The following GPR158 variants were observed in gnomAD, a reference collection of about 807,000 sequenced individuals.
GPR158 encodes the protein G protein-coupled receptor 158.
GPR158 carries 30 observed loss-of-function variants against 78.2 expected under a neutral mutation model. That is an observed-to-expected ratio of 0.38 (90% confidence interval 0.29 to 0.52). The LOEUF is 0.52. Among genes scored for constraint, GPR158 ranks in the 20% least tolerant of loss-of-function variants. The pLI is 0.83. For synonymous variants in GPR158, 581 were observed against 591.1 expected, an observed-to-expected ratio of 0.98 and a Z score of 0.25; for missense variants, 1,463 against 1,523.5, an observed-to-expected ratio of 0.96 and a Z score of 0.66.
chr10:25,597,740 A>G (rs367639490), intron 10 of GPR158, 32 bp from the exon 11 acceptor site: 115 of 1,479,688 alleles, frequency 7.8e-5, no homozygotes, highest in Non-Finnish European at 9.4e-5. Flanking sequence ...ACTAAATTCT[A>G]CACTTCTTTG....
chr10:25,337,569 GCTA>G (rs1354284497), intron 2 of GPR158, among the ~76,000 whole-genome samples: 1 of 151,796 alleles, frequency 6.6e-6, no homozygotes, highest in Non-Finnish European at 1.5e-5. Context: ...TAGATTTTTG[GCTA>G]CTATAAATGA....
rs1837372455 is a variant in GPR158 at position 25,594,089 on chromosome 10, T to C, written c.1893-203T>C. 13 of 408,112 alleles carry C rather than the reference T, an allele frequency of 3.2e-5. No homozygotes were observed. The South Asian group carries it at 5.2e-4, about 16-fold the overall frequency. The allele number at this position is 408,112 out of a possible 1,614,324, so 25.3% of individuals were successfully genotyped here. ...CTTTCTTACTATTGTTAATCTAAAATCATAATAAAGGGTTCATATATTATG... is the reference window on the plus strand; with the variant it reads ...CTTTCTTACTATTGTTAATCTAAAACCATAATAAAGGGTTCATATATTATG... On this transcript the variant is annotated intron_variant, in intron 8 of 10. Coordinates refer to ENST00000376351, the MANE Select transcript of GPR158 (RefSeq NM_020752.3).
Position 25,570,361 on chromosome 10 carries a change from C to G in GPR158, c.1515-2288C>G, listed in dbSNP as rs72788299. Among the ~76,000 whole-genome samples, 620 of 152,176 alleles carry G rather than the reference C, an allele frequency of 4.1e-3. 4 individuals carry two copies. Among genetic ancestry groups the G allele is most frequent in the South Asian group, 9.8e-3 (47 of 4,814 alleles). The stretch of plus-strand genomic sequence containing the variant: ...ATTTAAAACACAAATAATTACTCAC[C>G]AGTCTTTTTGAAATAAGGCCTCTTT... On this transcript the variant is annotated intron_variant, in intron 6 of 10. Transcript: ENST00000376351.
At chr10:25,280,707 TTATG>T (rs34530811) in intron 2 of GPR158, among the ~76,000 whole-genome samples, 17,689 of 151,414 alleles carry the variant, frequency 0.12, 1,341 homozygotes, top group African/African-American at 0.22. Context: ...TCAACACATT[TTATG>T]TATGTATGTA....
intron 2 of GPR158, among the ~76,000 whole-genome samples, chr10:25,330,024 T>TG (rs1554794398): frequency 4.2e-4 from 64 of 151,816 alleles, no homozygotes; most frequent in African/African-American, 1.0e-3. Flanking sequence ...CTTTTTTTTT[T>TG]TTGTTATACT....
chr10:25,488,332 T>C (rs1835760603), intron 5 of GPR158, among the ~76,000 whole-genome samples: 1 of 152,192 alleles, frequency 6.6e-6, no homozygotes, highest in South Asian at 2.1e-4. Context: ...GTCATTTACA[T>C]AGGGGAGCCC....
chr10:25,328,708 C>A, intron 2 of GPR158, among the ~76,000 whole-genome samples: 1 of 151,928 alleles, frequency 6.6e-6, no homozygotes, highest in Non-Finnish European at 1.5e-5. Flanking sequence ...AGGTGGATCA[C>A]CTGAGGTCAG....
intron 5 of GPR158, among the ~76,000 whole-genome samples, chr10:25,472,756 G>T (rs1381913941): frequency 1.3e-5 from 2 of 150,862 alleles, no homozygotes; most frequent in Admixed American, 1.3e-4. Context: ...TGATTTGGCT[G>T]TTTGTTATTG....
chr10:25,285,086 GT>G (rs1854330857), intron 2 of GPR158, among the ~76,000 whole-genome samples: 4 of 151,746 alleles, frequency 2.6e-5, no homozygotes, highest in Non-Finnish European at 4.4e-5. Flanking sequence ...GTGTGTGTGT[GT>G]GTGTATGCAT....
At chr10:25,259,242 A>G (rs991183211) in intron 2 of GPR158, among the ~76,000 whole-genome samples, 1 of 152,188 alleles carries the variant, frequency 6.6e-6, no homozygotes, top group Non-Finnish European at 1.5e-5. Context: ...ACAAACTATA[A>G]ATGAATGGGC....
At chr10:25,302,971 G>A (rs1413400) in intron 2 of GPR158, among the ~76,000 whole-genome samples, 1 of 152,050 alleles carries the variant, frequency 6.6e-6, no homozygotes, top group Non-Finnish European at 1.5e-5. Context: ...TCAATTCTTC[G>A]TCTGGTAGAT....
At chr10:25,549,358 A>G (rs1317618363) in intron 5 of GPR158, among the ~76,000 whole-genome samples, 4 of 152,230 alleles carry the variant, frequency 2.6e-5, no homozygotes, top group African/African-American at 9.6e-5. Context: ...TTCCTATTGA[A>G]CTACTATGCA....
At chr10:25,264,455 T>A (rs1854013939) in intron 2 of GPR158, among the ~76,000 whole-genome samples, 1 of 152,102 alleles carries the variant, frequency 6.6e-6, no homozygotes, top group South Asian at 2.1e-4. Flanking sequence ...TGCAAAATAT[T>A]TGAGTGAAGA....
intron 2 of GPR158, chr10:25,244,162 C>T (rs927743267): frequency 6.6e-6 from 1 of 152,016 alleles, no homozygotes; most frequent in African/African-American, 2.4e-5. Context: ...TAAATAAACC[C>T]CCTTTCTTGG....
intron 5 of GPR158, among the ~76,000 whole-genome samples, chr10:25,530,394 G>A (rs1215834527): frequency 6.6e-6 from 1 of 152,096 alleles, no homozygotes; most frequent in Non-Finnish European, 1.5e-5. Context: ...AAAATGACCT[G>A]TAGCGATAAA....
At chr10:25,593,748 A>G (rs1412833054) in intron 8 of GPR158, among the ~76,000 whole-genome samples, 1 of 152,062 alleles carries the variant, frequency 6.6e-6, no homozygotes, top group African/African-American at 2.4e-5. Flanking sequence ...ATTTAGAACA[A>G]TTTATTTTAA....
chr10:25,498,589 ATGT>A (rs1316826509), intron 5 of GPR158, among the ~76,000 whole-genome samples: 6 of 152,186 alleles, frequency 3.9e-5, no homozygotes, highest in African/African-American at 1.4e-4. Context: ...AAAGCCATAG[ATGT>A]TTGCACAATA....
At chr10:25,554,504 A>G (rs1836763398) in intron 6 of GPR158, among the ~76,000 whole-genome samples, 1 of 152,164 alleles carries the variant, frequency 6.6e-6, no homozygotes, top group Non-Finnish European at 1.5e-5. Context: ...CAAACATGAA[A>G]GAGGAACAAG....
chr10:25,579,683 C>T (rs1376968280), intron 7 of GPR158, among the ~76,000 whole-genome samples: 1 of 152,198 alleles, frequency 6.6e-6, no homozygotes, highest in African/African-American at 2.4e-5. Flanking sequence ...TAGAACTTCC[C>T]TTCCATGGTT....
Sources: gnomAD v4.1 joint callset for allele counts (sites outside exome capture counted in the v4.1 genomes callset) on GRCh38, gnomAD v4.1.1 for gene constraint, MANE v1.5 for transcripts, NCBI Gene and HGNC (gene_info 2026-07-23, HGNC 2026-07-21) for gene names.